SYNJ2: variants seen among roughly 807,000 people sequenced by gnomAD.
The protein encoded by SYNJ2 is synaptojanin 2, also known as polyphosphatidylinositol phosphatase SYNJ2.
SYNJ2 carries 116 observed loss-of-function variants against 141.3 expected under a neutral mutation model. The ratio of observed to expected loss-of-function variants is 0.82; its 90% CI spans 0.71 to 0.96. The LOEUF (loss-of-function observed/expected upper bound fraction) is 0.96. Ranked by LOEUF, SYNJ2 falls within the 40% of genes least tolerant of loss-of-function variation. The pLI is 0.00. For missense variants in SYNJ2, 1,873 were observed against 1,934.8 expected (o/e 0.97, Z 0.60); for synonymous variants, 745 against 777.7 (o/e 0.96, Z 0.70).
chr6:158,070,885 C>G lies in SYNJ2; in HGVS notation c.1941-717C>G, dbSNP rs1217084157. Among the ~76,000 whole-genome samples the G allele has an allele frequency of 6.6e-6, 1 of 152,170 alleles. No individual in the cohort carries two copies. The highest frequency in any genetic ancestry group is 1.5e-5 in the Non-Finnish European group (1 of 68,030). Reference sequence around the variant, plus strand: ...ATAAACAGCTGCCCGTTTCCTAGCTCTTAAAGTGCATTGATTGCTGGGCAC... The same window carrying G: ...ATAAACAGCTGCCCGTTTCCTAGCTGTTAAAGTGCATTGATTGCTGGGCAC... On this transcript the variant is annotated intron_variant, in intron 14 of 26. Transcript: ENST00000355585. The surrounding 1 kb of genome is among the most constrained non-coding windows in gnomAD (Gnocchi z 4.0).
intron 1 of SYNJ2, among the ~76,000 whole-genome samples, chr6:158,010,150 G>A (rs879653792): frequency 2.0e-5 from 3 of 152,146 alleles, no homozygotes; most frequent in Non-Finnish European, 4.4e-5. Context: ...GAACTCCTGG[G>A]CTGAAGCAAT....
Position 158,069,618 on chromosome 6 carries a change from C to A in SYNJ2, c.1885C>A (p.Leu629Met). The change falls in exon 14 of 27, where the codon CTG becomes ATG. Residue 629 changes from leucine to methionine, a missense_variant. Leu to Met is a conservative substitution (Grantham distance 15). Transcript: ENST00000355585. ...ATACATTCTGTTGACTTCGGCACAG[C>A]TGGTGGGCGTCTGTCTTTATATCTT... Reference protein sequence around the residue: ...HRYILLTSAQLVGVCLYIFVR... With the variant: ...HRYILLTSAQMVGVCLYIFVR... 6.2e-7 allele frequency: 1 copy of A among 1,614,088 alleles called. No homozygotes were observed. The highest frequency in any genetic ancestry group is 8.5e-7 in the Non-Finnish European group (1 of 1,179,938).
At chr6:158,075,116 G>A (rs1412992694) in intron 16 of SYNJ2, among the ~76,000 whole-genome samples, 1 of 151,888 alleles carries the variant, frequency 6.6e-6, no homozygotes, top group African/African-American at 2.4e-5. Flanking sequence ...ATTTTTAGTA[G>A]AGACGGGTTT....
intron 6 of SYNJ2, among the ~76,000 whole-genome samples, chr6:158,056,795 TCA>T: frequency 6.6e-6 from 1 of 152,326 alleles, no homozygotes; most frequent in South Asian, 2.1e-4. Flanking sequence ...CGCAAAACCT[TCA>T]CACAGATAGT....
Position 158,078,255 on chromosome 6 carries a change from T to C in SYNJ2, c.2541T>C (p.Arg847=). ...WSPGALQYYG[R]AELQASDHRP... is the part of the protein sequence containing the mutation. Reference sequence around the variant, plus strand: ...CTGGTGCCCTGCAGTATTATGGTCGTGCGGAGCTACAAGCGTCTGATCACA... The same window carrying C: ...CTGGTGCCCTGCAGTATTATGGTCGCGCGGAGCTACAAGCGTCTGATCACA... The change falls in exon 18 of 27, where the codon CGT becomes CGC. Residue 847 remains arginine, a synonymous_variant. Transcript: ENST00000355585. 2 of 1,613,888 alleles carry C rather than the reference T, an allele frequency of 1.2e-6. No homozygotes were observed. Among genetic ancestry groups the C allele is most frequent in the Non-Finnish European group, 1.7e-6 (2 of 1,179,780 alleles).
chr6:158,096,615 TCGGTGTATGGATTTTAAGAA>T lies in SYNJ2; in HGVS notation c.*252_*271del. On this transcript the variant is annotated 3_prime_UTR_variant, in exon 27 of 27. Transcript: ENST00000355585. ...AGGAATGGGAACCTTCCTGTTAAATTCGGTGTATGGATTTTAAGAAAGGAATCTAGCCAATGAGGTCCAAG... is the reference window on the plus strand; with the variant it reads ...AGGAATGGGAACCTTCCTGTTAAATTAGGAATCTAGCCAATGAGGTCCAAG... 1 of 364,610 alleles carries T rather than the reference TCGGTGTATGGATTTTAAGAA, an allele frequency of 2.7e-6. No homozygotes were observed. The highest frequency in any genetic ancestry group is 4.9e-6 in the Non-Finnish European group (1 of 204,454). 22.6% of individuals were successfully genotyped at this position (364,610 alleles called of 1,614,324 possible).
At position 158,084,249 on chromosome 6, in the gene SYNJ2, C is replaced by T; in HGVS notation, c.3208+75C>T. 1.2e-5 allele frequency: 18 copies of T among 1,488,340 alleles called. No homozygotes were observed. Among genetic ancestry groups the T allele is most frequent in the East Asian group, 4.5e-5 (2 of 44,170 alleles). The allele number at this position is 1,488,340 out of a possible 1,614,324, so 92.2% of individuals were successfully genotyped here. Reference sequence around the variant, plus strand: ...GGACAGACTTTCCTTTTTCTCTTGGCGATTGGGCACTGTGTGATATCAAGT... The same window carrying T: ...GGACAGACTTTCCTTTTTCTCTTGGTGATTGGGCACTGTGTGATATCAAGT... On this transcript the variant is annotated intron_variant, in intron 22 of 26. Coordinates refer to ENST00000355585, the MANE Select transcript of SYNJ2 (RefSeq NM_003898.4). This position sits in a 1 kb window ranked among gnomAD's most constrained non-coding sequence, Gnocchi z 5.0.
Position 158,078,235 on chromosome 6 carries a change from GC to G in SYNJ2, c.2524del (p.Leu842CysfsTer52). On this transcript the variant is annotated frameshift_variant, in exon 18 of 27. Transcript: ENST00000355585. LOFTEE classifies it high-confidence loss of function. ...TKVRHTWSPG[A>X]LQYYGRAELQ... ...AGTCAGACACACCTGGTCTCCTGGT[GC>G]CCTGCAGTATTATGGTCGTGCGGAG... 6.2e-7 allele frequency: 1 copy of G among 1,614,066 alleles called. No homozygotes were observed. Among genetic ancestry groups the G allele is most frequent in the Non-Finnish European group, 8.5e-7 (1 of 1,179,946 alleles).
At chr6:158,080,834 T>C (rs1782632353) in intron 18 of SYNJ2, among the ~76,000 whole-genome samples, 1 of 152,166 alleles carries the variant, frequency 6.6e-6, no homozygotes, top group South Asian at 2.1e-4. Flanking sequence ...CCCCCTCAAA[T>C]CATCTTTAGA....
rs750120241 is a variant in SYNJ2 at position 158,065,010 on chromosome 6, A to G, written c.1525+19A>G. 2.0e-6 allele frequency: 3 copies of G among 1,516,224 alleles called. No individual in the cohort carries two copies. The East Asian group carries it at 7.3e-5, about 37-fold the overall frequency. 93.9% of individuals were successfully genotyped at this position (1,516,224 alleles called of 1,614,324 possible). On this transcript the variant is annotated intron_variant, in intron 11 of 26. Transcript: ENST00000355585. The stretch of plus-strand genomic sequence containing the variant: ...CTCCTGGGTAGGGCCTGCCGCAGAC[A>G]GGGCGAGGCAGGGAGGTAGGGTGCT...
chr6:158,083,168 AG>A (rs1344270351), intron 20 of SYNJ2, among the ~76,000 whole-genome samples: 35 of 152,250 alleles, frequency 2.3e-4, no homozygotes, highest in African/African-American at 7.7e-4. Flanking sequence ...CCTGACCTCA[AG>A]GGATCTACCT....
At position 158,043,302 on chromosome 6, in the gene SYNJ2, T is replaced by G. The variant is rs756232765; in HGVS notation, c.712-14T>G. Reference sequence around the variant, plus strand: ...TGAAGAATACCTTTCCCTTTCTGTTTCCTTGTGCCGCAGATGATTTACATG... The same window carrying G: ...TGAAGAATACCTTTCCCTTTCTGTTGCCTTGTGCCGCAGATGATTTACATG... On this transcript the variant is annotated splice_polypyrimidine_tract_variant and intron_variant, in intron 4 of 26. Coordinates refer to ENST00000355585, the MANE Select transcript of SYNJ2 (RefSeq NM_003898.4). The surrounding 1 kb of genome is among the most constrained non-coding windows in gnomAD (Gnocchi z 4.0). 36 of 1,612,836 alleles carry G rather than the reference T, an allele frequency of 2.2e-5. No homozygotes were observed. The highest frequency in any genetic ancestry group is 3.0e-5 in the Non-Finnish European group (35 of 1,178,866).
At chr6:157,995,442 G>A (rs1777602657) in intron 1 of SYNJ2, among the ~76,000 whole-genome samples, 1 of 152,142 alleles carries the variant, frequency 6.6e-6, no homozygotes. Context: ...GGCCCTCCTA[G>A]GGCAGCTCTC....
chr6:157,997,548 G>A (rs1777681218), intron 1 of SYNJ2, among the ~76,000 whole-genome samples: 1 of 152,186 alleles, frequency 6.6e-6, no homozygotes, highest in African/African-American at 2.4e-5. Flanking sequence ...AAGGGAAGAT[G>A]CTCCTACCCA....
At chr6:157,999,496 G>A (rs959816286) in intron 1 of SYNJ2, among the ~76,000 whole-genome samples, 1 of 152,234 alleles carries the variant, frequency 6.6e-6, no homozygotes, top group Admixed American at 6.5e-5. Flanking sequence ...CCCAGATTGA[G>A]CCTGCCCTCT....
At chr6:158,057,552 G>C (rs1234031041) in intron 6 of SYNJ2, among the ~76,000 whole-genome samples, 1 of 152,248 alleles carries the variant, frequency 6.6e-6, no homozygotes, top group Non-Finnish European at 1.5e-5. Flanking sequence ...CAGCTCAGAA[G>C]GGATGAATCA....
chr6:158,036,635 A>T (rs1030617607), intron 4 of SYNJ2, among the ~76,000 whole-genome samples: 2 of 152,284 alleles, frequency 1.3e-5, no homozygotes, highest in South Asian at 4.1e-4. Context: ...GATGGAGGGT[A>T]GGAGGAGGGA....
chr6:157,995,006 C>G (rs1777587363), intron 1 of SYNJ2, among the ~76,000 whole-genome samples: 1 of 152,180 alleles, frequency 6.6e-6, no homozygotes, highest in African/African-American at 2.4e-5. Context: ...ACAGAAGAAG[C>G]TATATGGGCC....
chr6:157,990,011 C>T (rs12333003), intron 1 of SYNJ2, among the ~76,000 whole-genome samples: 33,031 of 152,174 alleles, frequency 0.22, 3,925 homozygotes, highest in Middle Eastern at 0.3. Context: ...TGGTGCTGCG[C>T]CAGGAGGCTA....
Sources: gnomAD v4.1 joint callset for allele counts (sites outside exome capture counted in the v4.1 genomes callset) on GRCh38, gnomAD v4.1.1 for gene constraint, Gnocchi (gnomAD v3.1) non-coding constraint, MANE v1.5 for transcripts, NCBI Gene and HGNC (gene_info 2026-07-23, HGNC 2026-07-21) for gene names.